Variants in SNX6 observed in about 807,000 individuals in gnomAD.
SNX6 encodes sorting nexin 6, also known as sorting nexin-6.
Under a neutral mutation model 63.0 loss-of-function variants are expected in SNX6, and 34 were observed. The ratio of observed to expected loss-of-function variants is 0.54; its 90% CI spans 0.41 to 0.72. The LOEUF is 0.72. SNX6 is among the 30% of genes least tolerant of loss of function. SNX6 has a pLI of 0.00. For missense variants in SNX6, 398 were observed against 471.4 expected (o/e 0.84, Z 1.44); for synonymous variants, 170 against 164.2 (o/e 1.04, Z -0.27).
At chr14:34,563,852 C>T (rs923446368) in intron 13 of SNX6, among the ~76,000 whole-genome samples, 1 of 152,054 alleles carries the variant, frequency 6.6e-6, no homozygotes, top group African/African-American at 2.4e-5. Flanking sequence ...AATTCTCCTG[C>T]GTCAGCCTCC....
At chr14:34,616,137 GT>G (rs756390062) in intron 2 of SNX6, among the ~76,000 whole-genome samples, 166 of 151,962 alleles carry the variant, frequency 1.1e-3, no homozygotes, top group Middle Eastern at 6.8e-3. Flanking sequence ...TGTATTTTTA[GT>G]AGAGAGGGGG....
intron 10 of SNX6, among the ~76,000 whole-genome samples, chr14:34,578,153 A>G (rs1342456643): frequency 1.3e-5 from 2 of 152,116 alleles, no homozygotes; most frequent in East Asian, 1.9e-4. Context: ...GCAGTGAGCC[A>G]AGATCGTTCC....
At chr14:34,613,095 G>A (rs10147321) in intron 2 of SNX6, among the ~76,000 whole-genome samples, 2,171 of 149,880 alleles carry the variant, frequency 0.014, 55 homozygotes, top group African/African-American at 0.05. Context: ...TAACTAATGA[G>A]AAGGTCATGT....
chr14:34,609,277 C>T (rs954978168), intron 3 of SNX6, among the ~76,000 whole-genome samples: 9 of 151,860 alleles, frequency 5.9e-5, no homozygotes, highest in Non-Finnish European at 1.2e-4. Context: ...CGAGACCATC[C>T]TGGCTTACAC....
At chr14:34,624,353 G>A (rs952894048) in intron 2 of SNX6, among the ~76,000 whole-genome samples, 1 of 152,086 alleles carries the variant, frequency 6.6e-6, no homozygotes, top group African/African-American at 2.4e-5. Flanking sequence ...TGCCCATCTC[G>A]GCCTCGCAAA....
At chr14:34,599,803 A>T (rs975491773) in intron 6 of SNX6, among the ~76,000 whole-genome samples, 3 of 151,192 alleles carry the variant, frequency 2.0e-5, no homozygotes, top group Middle Eastern at 6.8e-3. Context: ...CTGATCTCCA[A>T]AATTTCTGTC....
chr14:34,567,208 C>T lies in SNX6; in HGVS notation c.1167+478G>A, dbSNP rs755846546. Among the ~76,000 whole-genome samples the T allele has an allele frequency of 4.7e-4, 72 of 151,630 alleles. 1 individual carries two copies. Among genetic ancestry groups the T allele is most frequent in the African/African-American group, 1.5e-3 (63 of 41,368 alleles). ...CAAAACAAAAAAGCCCCAGACTAGC[C>T]GGGTACGGTGGCTCGTGTCTGTAAT... On this transcript the variant is annotated intron_variant, in intron 13 of 13. Transcript: ENST00000362031.
At chr14:34,610,391 A>C (rs987861578) in intron 2 of SNX6, among the ~76,000 whole-genome samples, 9 of 151,596 alleles carry the variant, frequency 5.9e-5, no homozygotes, top group East Asian at 1.9e-4. Flanking sequence ...CAAAAAAAAA[A>C]ACAAAACCCT....
intron 10 of SNX6, among the ~76,000 whole-genome samples, chr14:34,578,470 A>T (rs1881798605): frequency 6.6e-6 from 1 of 151,190 alleles, no homozygotes; most frequent in Non-Finnish European, 1.5e-5. Context: ...ATCTCTACTA[A>T]AGTACAAAAA....
intron 13 of SNX6, among the ~76,000 whole-genome samples, chr14:34,566,495 T>A (rs1453367350): frequency 6.6e-6 from 1 of 152,230 alleles, no homozygotes; most frequent in African/African-American, 2.4e-5. Context: ...ATTACAGGCG[T>A]GAGCCACCGC....
intron 11 of SNX6, among the ~76,000 whole-genome samples, chr14:34,570,959 G>A (rs147958282): frequency 0.018 from 2,744 of 150,756 alleles, 75 homozygotes; most frequent in African/African-American, 0.063. Context: ...TCCTGACCTC[G>A]TGATCCGGCC....
intron 4 of SNX6, among the ~76,000 whole-genome samples, 182 bp from the exon 5 acceptor site, chr14:34,605,899 C>T (rs183996835): frequency 7.6e-4 from 116 of 152,132 alleles, no homozygotes; most frequent in African/African-American, 2.4e-3. Flanking sequence ...TTTGGCCAGG[C>T]GCAATGGCTC....
In SNX6 at chr14:34,597,618, CTTTT is replaced by C; in HGVS notation, c.540_543del (p.Lys181ArgfsTer17). 6.2e-7 allele frequency: 1 copy of C among 1,606,434 alleles called. No homozygotes were observed. The highest frequency in any genetic ancestry group is 8.5e-7 in the Non-Finnish European group (1 of 1,175,608). Reference sequence around the variant, plus strand: ...TTTTTAAAGAAGTCTTCAAGTTTCTCTTTTTTATTTTTTCCTCGCACACTCAACT... The same window carrying C: ...TTTTTAAAGAAGTCTTCAAGTTTCTCTTATTTTTTCCTCGCACACTCAACT... On this transcript the variant is annotated frameshift_variant, in exon 7 of 14. Transcript: ENST00000362031. LOFTEE classifies it high-confidence loss of function.
At chr14:34,581,626 A>T (rs1881939663) in intron 9 of SNX6, 26 bp from the exon 10 acceptor site, 1 of 1,375,684 alleles carries the variant, frequency 7.3e-7, no homozygotes, top group Non-Finnish European at 1.0e-6. Context: ...TTTTCATCAT[A>T]TTCTACATTC....
At chr14:34,570,220 C>T (rs987426168) in intron 11 of SNX6, among the ~76,000 whole-genome samples, 1 of 151,970 alleles carries the variant, frequency 6.6e-6, no homozygotes. Flanking sequence ...CAGGCATGTG[C>T]CACCACGCCT....
At chr14:34,580,632 A>C (rs1380380474) in intron 10 of SNX6, among the ~76,000 whole-genome samples, 2 of 150,808 alleles carry the variant, frequency 1.3e-5, no homozygotes, top group African/African-American at 4.9e-5. Flanking sequence ...TATTTAATTA[A>C]TTTGTTTATC....
At chr14:34,565,481 C>T (rs1881136318) in intron 13 of SNX6, among the ~76,000 whole-genome samples, 16 of 152,056 alleles carry the variant, frequency 1.1e-4, no homozygotes, top group Admixed American at 1.0e-3. Context: ...TTTACCAACC[C>T]CTGATCTACA....
At chr14:34,584,532 G>C (rs931586695) in intron 9 of SNX6, among the ~76,000 whole-genome samples, 1 of 151,750 alleles carries the variant, frequency 6.6e-6, no homozygotes, top group African/African-American at 2.4e-5. Flanking sequence ...ACCGTCTTCC[G>C]GGGGGCGGGT....
intron 2 of SNX6, among the ~76,000 whole-genome samples, chr14:34,616,317 G>T (rs1883418283): frequency 6.6e-6 from 1 of 151,874 alleles, no homozygotes; most frequent in African/African-American, 2.4e-5. Flanking sequence ...TTCCTTAGTG[G>T]TACATAAAAG....
Sources: gnomAD v4.1 joint callset for allele counts (sites outside exome capture counted in the v4.1 genomes callset) on GRCh38, gnomAD v4.1.1 for gene constraint, MANE v1.5 for transcripts, NCBI Gene and HGNC (gene_info 2026-07-23, HGNC 2026-07-21) for gene names.